MRAP2: variants seen among roughly 807,000 people sequenced by gnomAD.
MRAP2 encodes the protein melanocortin-2 receptor accessory protein 2.
Under a neutral mutation model 17.4 loss-of-function variants are expected in MRAP2, and 20 were observed. The observed-to-expected ratio is 1.15, with a 90% CI of 0.81 to 1.67. The LOEUF is 1.67. MRAP2 is among the 40% of genes most tolerant of loss of function. The pLI is 0.00. For synonymous variants in MRAP2, 96 were observed against 88.4 expected, an observed-to-expected ratio of 1.09 and a Z score of -0.48; for missense variants, 238 against 240.0, an observed-to-expected ratio of 0.99 and a Z score of 0.05.
chr6:84,077,782 G>GA (rs1019170549), intron 3 of MRAP2, among the ~76,000 whole-genome samples: 41 of 150,734 alleles, frequency 2.7e-4, no homozygotes, highest in Admixed American at 1.6e-3. Flanking sequence ...ATAAACATAT[G>GA]AAAAAAAAAT....
chr6:84,145,519 T>G, the MRAP2 span, among the ~76,000 whole-genome samples: 1 of 152,158 alleles, frequency 6.6e-6, no homozygotes, highest in Non-Finnish European at 1.5e-5. Context: ...TGTGCTTCAT[T>G]AGAAAACTGT....
At chr6:84,082,385 C>G (rs1006467236) in intron 3 of MRAP2, among the ~76,000 whole-genome samples, 5 of 152,174 alleles carry the variant, frequency 3.3e-5, no homozygotes, top group Non-Finnish European at 5.9e-5. Context: ...TAATTCCCAT[C>G]TAATTATAGC....
At chr6:84,071,053 C>G (rs935676225) in intron 3 of MRAP2, among the ~76,000 whole-genome samples, 30 of 152,150 alleles carry the variant, frequency 2.0e-4, no homozygotes, top group African/African-American at 6.0e-4. Context: ...AGCATTTAGG[C>G]CATTTACATT....
chr6:84,126,366 G>A, the MRAP2 span: 1 of 1,563,822 alleles, frequency 6.4e-7, no homozygotes, highest in Non-Finnish European at 8.6e-7. Flanking sequence ...ATGTAAATGT[G>A]ATTTACTTTA....
the MRAP2 span, among the ~76,000 whole-genome samples, chr6:84,105,185 G>A: frequency 6.6e-6 from 1 of 152,108 alleles, no homozygotes; most frequent in Non-Finnish European, 1.5e-5. Flanking sequence ...CAGTTCTAAA[G>A]TAGCTTCCAC....
At chr6:84,102,717 A>G in the MRAP2 span, among the ~76,000 whole-genome samples, 4 of 152,136 alleles carry the variant, frequency 2.6e-5, no homozygotes, top group African/African-American at 9.7e-5. Flanking sequence ...AAGACATTAG[A>G]GGTCTGTTAT....
At chr6:84,059,236 CAGAT>C (rs2099492452) in intron 2 of MRAP2, among the ~76,000 whole-genome samples, 1 of 152,178 alleles carries the variant, frequency 6.6e-6, no homozygotes, top group Admixed American at 6.5e-5. Context: ...TGCCACCTTG[CAGAT>C]ACCAGACCCA....
chr6:84,052,663 G>A (rs2099490738), intron 1 of MRAP2: 2 of 179,140 alleles, frequency 1.1e-5, no homozygotes, highest in Admixed American at 6.5e-5. Context: ...AGAAGTGAGA[G>A]GAAAGAGGCA....
chr6:84,049,735 G>A (rs1426448122), intron 1 of MRAP2, among the ~76,000 whole-genome samples: 1 of 152,120 alleles, frequency 6.6e-6, no homozygotes, highest in African/African-American at 2.4e-5. Context: ...TTCAGGCTTG[G>A]GAACACTTTT....
rs2099501645 is a variant in MRAP2 at position 84,090,837 on chromosome 6, A to AC, written c.*1358dup. 1 of 152,358 alleles carries AC rather than the reference A, an allele frequency of 6.6e-6. No individual in the cohort carries two copies. Among genetic ancestry groups the AC allele is most frequent in the Admixed American group, 6.5e-5 (1 of 15,302 alleles). 9.4% of individuals were successfully genotyped at this position (152,358 alleles called of 1,614,324 possible). ...TGGCATTTTCATTATGAATTTGTTC[A>AC]CCACCTGTCTTGCTTAAGCTACAAA... On this transcript the variant is annotated 3_prime_UTR_variant, in exon 4 of 4. Transcript: ENST00000257776.
At chr6:84,084,105 G>A (rs1359727788) in intron 3 of MRAP2, among the ~76,000 whole-genome samples, 1 of 152,064 alleles carries the variant, frequency 6.6e-6, no homozygotes, top group Non-Finnish European at 1.5e-5. Flanking sequence ...CTTTATTTCA[G>A]TTTCAAATGA....
At chr6:84,075,447 TGTATG>T (rs2099497344) in intron 3 of MRAP2, among the ~76,000 whole-genome samples, 1 of 152,184 alleles carries the variant, frequency 6.6e-6, no homozygotes, top group South Asian at 2.1e-4. Flanking sequence ...TATTTGCTTT[TGTATG>T]GTGGGGCAGG....
intron 2 of MRAP2, among the ~76,000 whole-genome samples, chr6:84,060,796 C>T (rs1269246514): frequency 6.6e-6 from 1 of 151,684 alleles, no homozygotes; most frequent in Non-Finnish European, 1.5e-5. Flanking sequence ...CGCCATTCTC[C>T]TGCCTCAGCC....
At chr6:84,033,371 G>T (rs2099485042), upstream of MRAP2, among the ~76,000 whole-genome samples, 1 of 152,130 alleles carries the variant, frequency 6.6e-6, no homozygotes, top group South Asian at 2.1e-4. Context: ...TAAAATCGAG[G>T]TAGTAATTTA....
At chr6:84,069,152 G>T (rs984881451) in intron 3 of MRAP2, among the ~76,000 whole-genome samples, 4 of 151,820 alleles carry the variant, frequency 2.6e-5, no homozygotes, top group Non-Finnish European at 5.9e-5. Context: ...GAGGAGTGGT[G>T]GGAGTAGGCA....
chr6:84,111,087 G>T, the MRAP2 span, among the ~76,000 whole-genome samples: 1 of 151,870 alleles, frequency 6.6e-6, no homozygotes, highest in African/African-American at 2.4e-5. Context: ...TAAATGAGCT[G>T]TTTTTTTGGT....
intron 2 of MRAP2, among the ~76,000 whole-genome samples, chr6:84,060,516 T>C (rs1235055245): frequency 1.3e-5 from 2 of 152,162 alleles, no homozygotes; most frequent in Non-Finnish European, 2.9e-5. Flanking sequence ...ATAGCATTGG[T>C]GTATAATTTT....
chr6:84,104,672 T>C, the MRAP2 span, among the ~76,000 whole-genome samples: 1 of 152,130 alleles, frequency 6.6e-6, no homozygotes, highest in African/African-American at 2.4e-5. Context: ...ATCGAGACCA[T>C]CCTGGACAAC....
At chr6:84,110,443 T>C in the MRAP2 span, among the ~76,000 whole-genome samples, 2 of 152,216 alleles carry the variant, frequency 1.3e-5, no homozygotes, top group Non-Finnish European at 2.9e-5. Flanking sequence ...GGTTTTTTTT[T>C]CTTGTAAATT....
Sources: allele counts gnomAD v4.1 joint callset (sites outside exome capture counted in the v4.1 genomes callset), GRCh38; gene constraint gnomAD v4.1.1; transcripts MANE v1.5; gene names NCBI Gene and HGNC (gene_info 2026-07-23, HGNC 2026-07-21).